Variants in SNCAIP observed in about 807,000 individuals in gnomAD.
SNCAIP encodes the protein synuclein alpha interacting protein, also known as synphilin-1.
SNCAIP carries 43 observed loss-of-function variants against 86.7 expected under a neutral mutation model. That is an observed-to-expected ratio of 0.50 (90% CI 0.39 to 0.64). The LOEUF (loss-of-function observed/expected upper bound fraction) is 0.64. SNCAIP is among the 30% of genes least tolerant of loss of function. SNCAIP has a pLI of 0.00. For missense variants in SNCAIP, 981 were observed against 1,103.1 expected (o/e 0.89, Z 1.57); for synonymous variants, 417 against 427.2 (o/e 0.98, Z 0.29).
chr5:122,414,929 C>T (rs546223719), intron 3 of SNCAIP, among the ~76,000 whole-genome samples: 39 of 152,320 alleles, frequency 2.6e-4, no homozygotes, highest in African/African-American at 8.4e-4. Flanking sequence ...AAATCATACA[C>T]TTGCCTTGTA....
chr5:122,381,094 C>G lies in SNCAIP; in HGVS notation c.-46-9995C>G, dbSNP rs540094514. On this transcript the variant is annotated intron_variant, in intron 1 of 10. Coordinates refer to ENST00000261368, the MANE Select transcript of SNCAIP (RefSeq NM_005460.4). ...GAGCTGAGTTGAATTCCTGGGTATC[C>G]TTGTTGACTTTCTGTCTCGTTGATC... Among the ~76,000 whole-genome samples the G allele has an allele frequency of 7.3e-3, 1,085 of 148,986 alleles. 10 individuals carry two copies. Among genetic ancestry groups the G allele is most frequent in the African/African-American group, 0.026 (1,019 of 39,232 alleles).
At chr5:122,433,358 T>C (rs753406478) in intron 6 of SNCAIP, among the ~76,000 whole-genome samples, 1 of 152,052 alleles carries the variant, frequency 6.6e-6, no homozygotes, top group Non-Finnish European at 1.5e-5. Context: ...TTGCACATGG[T>C]CTAATGGCTA....
intron 1 of SNCAIP, among the ~76,000 whole-genome samples, chr5:122,326,676 C>T (rs1483569060): frequency 8.8e-6 from 1 of 113,764 alleles, no homozygotes; most frequent in African/African-American, 3.4e-5. Context: ...TAGCAATTTG[C>T]AAGGTCTTTT....
chr5:122,320,179 GT>G, intron 1 of SNCAIP, among the ~76,000 whole-genome samples: 1 of 152,330 alleles, frequency 6.6e-6, no homozygotes, highest in African/African-American at 2.4e-5. Flanking sequence ...CTGTGACAAT[GT>G]TTTCACAGTG....
At chr5:122,390,400 C>T (rs961978645) in intron 1 of SNCAIP, among the ~76,000 whole-genome samples, 38 of 152,100 alleles carry the variant, frequency 2.5e-4, no homozygotes, top group African/African-American at 8.7e-4. Flanking sequence ...TTGCCCCAGG[C>T]GGCCCTGAGG....
chr5:122,359,127 A>G (rs1370781755), intron 1 of SNCAIP, among the ~76,000 whole-genome samples: 1 of 152,086 alleles, frequency 6.6e-6, no homozygotes, highest in Non-Finnish European at 1.5e-5. Flanking sequence ...AGATTTGAAA[A>G]TCACCTTCAA....
At chr5:122,388,606 C>T (rs1212704178) in intron 1 of SNCAIP, 1 of 152,196 alleles carries the variant, frequency 6.6e-6, no homozygotes, top group South Asian at 2.1e-4. Flanking sequence ...GGTGGAAGGG[C>T]AGACGAGAGA....
rs377634451 is a variant in SNCAIP, at chr5:122,440,690, T to C, written c.1358T>C (p.Val453Ala). Residue 453 changes from valine to alanine, a missense_variant, in exon 7 of 11, where the codon GTA (valine) becomes GCA (alanine). Physicochemically the swap from Val to Ala is moderately conservative, Grantham distance 64. Transcript: ENST00000261368. ...MQEQGISLDE[V>A]DQDGNSAVHV... ...GAACAGGGCATCTCGTTGGATGAAG[T>C]AGACCAGGATGGCAACAGTGCCGTT... The C allele has an allele frequency of 8.3e-5, 134 of 1,613,900 alleles. 1 individual carries two copies. The highest frequency in any genetic ancestry group is 1.1e-4 in the Non-Finnish European group (130 of 1,179,868).
intron 1 of SNCAIP, chr5:122,321,956 A>G (rs1272410424): frequency 6.6e-6 from 1 of 152,116 alleles, no homozygotes; most frequent in East Asian, 1.9e-4. Context: ...ATTCAACAAC[A>G]TGGAAAAAAA....
intron 1 of SNCAIP, among the ~76,000 whole-genome samples, chr5:122,381,641 G>T (rs1053038330): frequency 1.3e-5 from 2 of 150,920 alleles, no homozygotes; most frequent in East Asian, 2.0e-4. Flanking sequence ...TAGTCTCGAT[G>T]GTCTTTACAT....
chr5:122,322,741 T>A lies in SNCAIP; in HGVS notation c.-47+10457T>A, dbSNP rs191020868. On this transcript the variant is annotated intron_variant, in intron 1 of 10. Transcript: ENST00000261368. ...TTGCCAATAATTCCACAAAGTAAAATCTTAAAAATAATAGCATACATTCTA... is the reference window on the plus strand; with the variant it reads ...TTGCCAATAATTCCACAAAGTAAAAACTTAAAAATAATAGCATACATTCTA... Among the ~76,000 whole-genome samples, 76 of 152,298 alleles carry A rather than the reference T, an allele frequency of 5.0e-4. 1 individual carries two copies. The highest frequency in any genetic ancestry group is 3.4e-3 in the Middle Eastern group (1 of 294).
intron 1 of SNCAIP, among the ~76,000 whole-genome samples, chr5:122,370,997 T>C (rs1764161200): frequency 6.6e-6 from 1 of 152,102 alleles, no homozygotes; most frequent in Admixed American, 6.6e-5. Flanking sequence ...TTAGAGTTTT[T>C]CTTAAACTGC....
Position 122,360,135 on chromosome 5 carries a change from G to A in SNCAIP, c.-46-30954G>A, listed in dbSNP as rs548620922. On this transcript the variant is annotated intron_variant, in intron 1 of 10. Coordinates refer to ENST00000261368, the MANE Select transcript of SNCAIP (RefSeq NM_005460.4). Reference sequence around the variant, plus strand: ...TTTCCAGCATTCTTTTTTGGATTTTGTTAACATTTTGATGTCAGAATTGCT... The same window carrying A: ...TTTCCAGCATTCTTTTTTGGATTTTATTAACATTTTGATGTCAGAATTGCT... 3.9e-5 allele frequency among the ~76,000 whole-genome samples: 6 copies of A among 152,190 alleles called. No homozygotes were observed. The East Asian group carries it at 7.7e-4, about 20-fold the overall frequency.
At chr5:122,451,925 A>C (rs1399385528) in intron 10 of SNCAIP, 1 of 275,950 alleles carries the variant, frequency 3.6e-6, no homozygotes, top group Non-Finnish European at 6.9e-6. Context: ...GCAAGATGAA[A>C]CCACCAATTA....
At position 122,429,971 on chromosome 5, in the gene SNCAIP, CA is replaced by C. The variant is rs1405805153; in HGVS notation, c.1183-1997del. Reference sequence around the variant, plus strand: ...AACTCACTTTCCTTTCCTGATCTGCCACTGTCACCATCAGCCAGATCCAGCC... The same window carrying C: ...AACTCACTTTCCTTTCCTGATCTGCCCTGTCACCATCAGCCAGATCCAGCC... On this transcript the variant is annotated intron_variant, in intron 5 of 10. Transcript: ENST00000261368. Among the ~76,000 whole-genome samples the C allele has an allele frequency of 5.3e-5, 8 of 152,258 alleles. No homozygotes were observed. In the East Asian group the frequency reaches 1.5e-3, roughly 29 times the overall value.
chr5:122,444,833 A>G, intron 8 of SNCAIP, 101 bp downstream of exon 8: 1 of 1,002,570 alleles, frequency 1.0e-6, no homozygotes, highest in East Asian at 2.4e-5. Flanking sequence ...TTCCAGTTGT[A>G]CAGGGAATTC....
At chr5:122,452,546 G>C (rs368740629) in intron 10 of SNCAIP, among the ~76,000 whole-genome samples, 2 of 152,158 alleles carry the variant, frequency 1.3e-5, no homozygotes, top group African/African-American at 4.8e-5. Flanking sequence ...AAGTTTTAGT[G>C]AGTATTTCTC....
Position 122,432,057 on chromosome 5 carries a change from T to C in SNCAIP, c.1271T>C (p.Ile424Thr). 6.3e-7 allele frequency: 1 copy of C among 1,585,974 alleles called. No homozygotes were observed. The change falls in exon 6 of 11, where the codon ATT (isoleucine) becomes ACT (threonine). Residue 424 changes from isoleucine (I) to threonine (T), a missense_variant. Ile to Thr is a moderately conservative substitution (Grantham distance 89, BLOSUM62 -1). Transcript: ENST00000261368. The stretch of plus-strand genomic sequence containing the variant: ...TGTTCTAAGGATTTTCCAAGCCTTA[T>C]TCATTACGCAGGTTGCTATGGCCAG... The part of the protein sequence containing the change: ...LSCSKDFPSL[I>T]HYAGCYGQEK...
intron 7 of SNCAIP, among the ~76,000 whole-genome samples, chr5:122,441,962 C>T (rs904880396): frequency 6.6e-6 from 1 of 152,098 alleles, no homozygotes; most frequent in Admixed American, 6.5e-5. Flanking sequence ...ATTCCCATAT[C>T]TATCTGATAT....
Sources: allele counts gnomAD v4.1 joint callset (sites outside exome capture counted in the v4.1 genomes callset), GRCh38; gene constraint gnomAD v4.1.1; transcripts MANE v1.5; gene names NCBI Gene and HGNC (gene_info 2026-07-23, HGNC 2026-07-21).